Variants in MKLN1 observed in about 807,000 individuals in gnomAD.
The protein encoded by MKLN1 is muskelin 1.
MKLN1 carries 18 observed loss-of-function variants against 99.0 expected under a neutral mutation model. The observed-to-expected ratio is 0.18, with a 90% CI of 0.13 to 0.27. The LOEUF (loss-of-function observed/expected upper bound fraction) is 0.27. Ranked by LOEUF, MKLN1 falls within the 10% of genes least tolerant of loss-of-function variation. The pLI, the probability that MKLN1 is intolerant of heterozygous loss-of-function variation, is 1.00. For missense variants in MKLN1, 621 were observed against 875.9 expected (o/e 0.71, Z 3.67); for synonymous variants, 288 against 293.2 (o/e 0.98, Z 0.18).
chr7:131,402,290 G>A (rs1225150253), intron 6 of MKLN1, among the ~76,000 whole-genome samples: 2 of 152,148 alleles, frequency 1.3e-5, no homozygotes, highest in African/African-American at 4.8e-5. Flanking sequence ...ATCCATTCAA[G>A]TTTTATCATG....
rs1407354336 is a variant in MKLN1 at position 131,493,293 on chromosome 7, G to A, written c.*5565G>A. 6.6e-6 allele frequency: 1 copy of A among 152,132 alleles called. No homozygotes were observed. The highest frequency in any genetic ancestry group is 1.5e-5 in the Non-Finnish European group (1 of 68,032). 9.4% of individuals were successfully genotyped at this position (152,132 alleles called of 1,614,324 possible). On this transcript the variant is annotated 3_prime_UTR_variant, in exon 18 of 18. Coordinates refer to ENST00000352689, the MANE Select transcript of MKLN1 (RefSeq NM_013255.5). ...CTATTTTGCTTATCTAAGGCATTTT[G>A]ACTTGGAAGTATTAAACTTCAGGAA...
At chr7:131,307,633 G>A (rs1451506327) in intron 3 of MKLN1, among the ~76,000 whole-genome samples, 1 of 152,184 alleles carries the variant, frequency 6.6e-6, no homozygotes, top group African/African-American at 2.4e-5. Context: ...TTTAATGACT[G>A]CCAAGTTTCA....
At chr7:131,287,282 G>A (rs1798146036) in intron 3 of MKLN1, among the ~76,000 whole-genome samples, 1 of 152,224 alleles carries the variant, frequency 6.6e-6, no homozygotes, top group African/African-American at 2.4e-5. Context: ...ACTACAAACT[G>A]GATAGGTTAA....
At chr7:131,233,373 A>AAATAAAT (rs1797271193) in intron 3 of MKLN1, among the ~76,000 whole-genome samples, 23 of 142,520 alleles carry the variant, frequency 1.6e-4, no homozygotes, top group African/African-American at 5.3e-4. Context: ...CTGTCTCCAA[A>AAATAAAT]AAATAAATAA....
chr7:131,165,453 A>G (rs1357011645), intron 2 of MKLN1, among the ~76,000 whole-genome samples: 1 of 152,100 alleles, frequency 6.6e-6, no homozygotes, highest in South Asian at 2.1e-4. Flanking sequence ...CCAAAGTGCT[A>G]GGATTACAGG....
intron 2 of MKLN1, among the ~76,000 whole-genome samples, chr7:131,152,619 C>T (rs1364050746): frequency 6.6e-6 from 1 of 151,470 alleles, no homozygotes; most frequent in Non-Finnish European, 1.5e-5. Flanking sequence ...CCTGCCTTAG[C>T]CTCCCGAGTA....
intron 1 of MKLN1, among the ~76,000 whole-genome samples, chr7:131,113,099 C>T (rs1373675708): frequency 1.3e-5 from 2 of 152,182 alleles, no homozygotes; most frequent in Admixed American, 6.5e-5. Context: ...GATGAATATA[C>T]AGTTGATCAC....
chr7:131,201,221 T>A (rs997215014), intron 2 of MKLN1, among the ~76,000 whole-genome samples: 3 of 152,214 alleles, frequency 2.0e-5, no homozygotes, highest in Non-Finnish European at 2.9e-5. Context: ...GGTTTCACCA[T>A]GTTGTCCAGG....
Position 131,254,597 on chromosome 7 carries a change from AT to A in MKLN1, c.-179+51632del, listed in dbSNP as rs572950935. 3.8e-4 allele frequency among the ~76,000 whole-genome samples: 58 copies of A among 152,036 alleles called. 1 individual carries two copies. The highest frequency in any genetic ancestry group is 1.3e-3 in the African/African-American group (54 of 41,492). ...ATAGAGATTATCAATAAAGAAATAG[AT>A]TTTTTTTTAAAAAAGAACCTAATAG... On this transcript the variant is annotated intron_variant, in intron 3 of 7. Transcript: ENST00000416992.
At chr7:131,134,790 C>G (rs6969479) in intron 1 of MKLN1, among the ~76,000 whole-genome samples, 7 of 152,162 alleles carry the variant, frequency 4.6e-5, no homozygotes, top group Non-Finnish European at 7.3e-5. Context: ...GCTTTGCTGG[C>G]TCAGTCTTCA....
intron 1 of MKLN1, among the ~76,000 whole-genome samples, chr7:131,343,807 A>G (rs1009392725): frequency 3.3e-5 from 5 of 152,170 alleles, no homozygotes; most frequent in African/African-American, 1.2e-4. Context: ...TTTTATATAA[A>G]TCTGAGAATG....
intron 3 of MKLN1, among the ~76,000 whole-genome samples, chr7:131,238,934 A>G (rs1470454146): frequency 1.3e-5 from 2 of 152,178 alleles, no homozygotes; most frequent in Non-Finnish European, 2.9e-5. Flanking sequence ...TTCACATTCT[A>G]TCCACTAGAA....
At chr7:131,165,329 G>A (rs1210766900) in intron 2 of MKLN1, among the ~76,000 whole-genome samples, 1 of 152,170 alleles carries the variant, frequency 6.6e-6, no homozygotes, top group Non-Finnish European at 1.5e-5. Flanking sequence ...GGGATTACAG[G>A]CACGCGATAC....
chr7:131,408,140 G>A (rs1252257629), intron 6 of MKLN1, among the ~76,000 whole-genome samples: 1 of 152,134 alleles, frequency 6.6e-6, no homozygotes, highest in African/African-American at 2.4e-5. Flanking sequence ...TATCTAGTAA[G>A]TGACAGAGCT....
intron 8 of MKLN1, among the ~76,000 whole-genome samples, chr7:131,418,400 A>G (rs1409152596): frequency 2.0e-5 from 3 of 151,740 alleles, no homozygotes; most frequent in African/African-American, 4.8e-5. Context: ...AAAGAGAGAT[A>G]AATCAGGGGT....
intron 1 of MKLN1, among the ~76,000 whole-genome samples, chr7:131,363,350 C>T (rs531969149): frequency 6.6e-6 from 1 of 152,070 alleles, no homozygotes; most frequent in East Asian, 1.9e-4. Context: ...GGACCTCCTG[C>T]CCACCTAGAA....
intron 16 of MKLN1, among the ~76,000 whole-genome samples, chr7:131,475,807 A>G (rs1374003252): frequency 3.3e-5 from 5 of 152,172 alleles, no homozygotes; most frequent in African/African-American, 9.7e-5. Context: ...GTGGGATCCT[A>G]TCTCAGAATA....
At chr7:131,314,964 C>A (rs1159169709) in intron 3 of MKLN1, among the ~76,000 whole-genome samples, 1 of 151,902 alleles carries the variant, frequency 6.6e-6, no homozygotes, top group South Asian at 2.1e-4. Context: ...TTTGTAGAGA[C>A]AGGGACTCAT....
At chr7:131,218,900 C>T (rs1263444299) in intron 3 of MKLN1, among the ~76,000 whole-genome samples, 2 of 152,166 alleles carry the variant, frequency 1.3e-5, no homozygotes, top group Non-Finnish European at 2.9e-5. Flanking sequence ...AAGAATGTAA[C>T]CACAGATGAA....
Sources: gnomAD v4.1 joint callset for allele counts (sites outside exome capture counted in the v4.1 genomes callset) on GRCh38, gnomAD v4.1.1 for gene constraint, MANE v1.5 for transcripts, NCBI Gene and HGNC (gene_info 2026-07-23, HGNC 2026-07-21) for gene names.